The following SLC19A3 variants were observed in gnomAD, a reference collection of about 807,000 sequenced individuals.
SLC19A3 encodes the protein solute carrier family 19 member 3.
Under a neutral mutation model 40.2 loss-of-function variants are expected in SLC19A3, and 31 were observed. The observed-to-expected ratio is 0.77, with a 90% CI of 0.58 to 1.04. The LOEUF (loss-of-function observed/expected upper bound fraction) is 1.04, where lower values mean the gene tolerates loss of function less well. SLC19A3 is among the 50% of genes least tolerant of loss of function. SLC19A3 has a pLI of 0.00. For synonymous variants in SLC19A3, 212 were observed against 227.5 expected (o/e 0.93, Z 0.61); for missense variants, 592 against 596.7 (o/e 0.99, Z 0.08).
rs866892149 is a variant in SLC19A3, at chr2:227,706,523, C to T, written c.-2-4203G>A. 1.7e-5 allele frequency: 20 copies of T among 1,170,770 alleles called. No homozygotes were observed. In the African/African-American group the frequency reaches 1.8e-4, roughly 10 times the overall value. 72.5% of individuals were successfully genotyped at this position (1,170,770 alleles called of 1,614,324 possible). A position where few individuals can be genotyped will look rare whatever the true frequency, so the allele number is the denominator to read the frequency against. On this transcript the variant is annotated intron_variant, in intron 1 of 5. Transcript: ENST00000644224. ...TAGTGGCTCATGCTTGTAATCCCAG[C>T]GCTTTGGGAGGCTGAGGCAGGTGGA...
intron 1 of SLC19A3, chr2:227,706,435 C>A: frequency 6.5e-6 from 8 of 1,230,466 alleles, no homozygotes; most frequent in Non-Finnish European, 8.1e-6. Context: ...AGCTCTATCA[C>A]TTTTTAAAAA....
Position 227,686,865 on chromosome 2 carries a change from A to G in SLC19A3, c.*532T>C, listed in dbSNP as rs996537408. ...TAGAGTTGAAGAGAAGCCCTTAGAA[A>G]TGGGACAAACATTGTAATTCTCTTA... On this transcript the variant is annotated 3_prime_UTR_variant, in exon 6 of 6. Coordinates refer to ENST00000644224, the MANE Select transcript of SLC19A3 (RefSeq NM_025243.4). 3.3e-5 allele frequency: 5 copies of G among 152,388 alleles called. No individual in the cohort carries two copies. Among genetic ancestry groups the G allele is most frequent in the African/African-American group, 1.2e-4 (5 of 41,468 alleles). 9.4% of individuals were successfully genotyped at this position (152,388 alleles called of 1,614,324 possible).
chr2:227,717,248 C>G (rs985969592), intron 1 of SLC19A3, among the ~76,000 whole-genome samples: 1 of 152,102 alleles, frequency 6.6e-6, no homozygotes, highest in South Asian at 2.1e-4. Context: ...GCAATCCGCC[C>G]CGCTCAGCCT....
chr2:227,688,055 T>C (rs2106317973), intron 5 of SLC19A3, 111 bp downstream of exon 5: 6 of 1,152,338 alleles, frequency 5.2e-6, no homozygotes, highest in Non-Finnish European at 7.8e-6. Context: ...GAAGGAATTA[T>C]GTATTTTTTA....
rs561203105 is a variant in SLC19A3 at position 227,692,997 on chromosome 2, A to G, written c.1172+2892T>C. ...TAAGAATTAACTAAAGAAGTGAAAG[A>G]TCTTTGCAATGAAAACTATAAAACA... On this transcript the variant is annotated intron_variant, in intron 4 of 5. Transcript: ENST00000644224. Among the ~76,000 whole-genome samples, 3 of 152,334 alleles carry G rather than the reference A, an allele frequency of 2.0e-5. No homozygotes were observed. The South Asian group carries it at 6.2e-4, about 32-fold the overall frequency.
At chr2:227,695,786 T>A in intron 4 of SLC19A3, 103 bp downstream of exon 4, 1 of 1,124,050 alleles carries the variant, frequency 8.9e-7, no homozygotes, top group Non-Finnish European at 1.3e-6. Flanking sequence ...CAACATTTAA[T>A]ATTGCAATTG....
At chr2:227,706,269 C>T in intron 1 of SLC19A3, 3 of 1,227,054 alleles carry the variant, frequency 2.4e-6, no homozygotes, top group South Asian at 8.3e-5. Context: ...GCTTCCACTG[C>T]TTCTAAGGTG....
chr2:227,692,837 A>G (rs940569978), intron 4 of SLC19A3, among the ~76,000 whole-genome samples: 1 of 152,214 alleles, frequency 6.6e-6, no homozygotes. Flanking sequence ...ATTAGAACTG[A>G]TAAATAAGTT....
intron 1 of SLC19A3, chr2:227,714,681 C>T (rs1425169951): frequency 1.4e-5 from 9 of 627,292 alleles, no homozygotes; most frequent in Admixed American, 1.0e-4. Flanking sequence ...CTTCTGCAGC[C>T]GATGACATTT....
intron 4 of SLC19A3, among the ~76,000 whole-genome samples, chr2:227,690,706 CAA>C (rs34163746): frequency 2.3e-4 from 9 of 39,156 alleles, no homozygotes; most frequent in Admixed American, 9.0e-4. Flanking sequence ...GACTCCATCT[CAA>C]AAAAAAAAAA....
At chr2:227,698,597 C>T (rs1695534670) in intron 3 of SLC19A3, 139 bp downstream of exon 3, 8 of 816,976 alleles carry the variant, frequency 9.8e-6, no homozygotes, top group Admixed American at 9.7e-5. Context: ...CCATGCCCGG[C>T]CGTGACTTTC....
chr2:227,701,894 C>T lies in SLC19A3; in HGVS notation c.150+275G>A, dbSNP rs545512081. 68 of 383,712 alleles carry T rather than the reference C, an allele frequency of 1.8e-4. No individual in the cohort carries two copies. In the East Asian group the frequency reaches 2.1e-3, roughly 12 times the overall value. The allele number at this position is 383,712 out of a possible 1,614,324, so 23.8% of individuals were successfully genotyped here. On this transcript the variant is annotated intron_variant, in intron 2 of 5. Transcript: ENST00000644224. ...TTTAGGATTAGTATAATAGAATCAACGGAGACCTGAAAGTCTCCTATCATT... is the reference window on the plus strand; with the variant it reads ...TTTAGGATTAGTATAATAGAATCAATGGAGACCTGAAAGTCTCCTATCATT...
chr2:227,694,574 T>C (rs1289324968), intron 4 of SLC19A3, among the ~76,000 whole-genome samples: 1 of 152,232 alleles, frequency 6.6e-6, no homozygotes, highest in African/African-American at 2.4e-5. Flanking sequence ...TTTCATGCAA[T>C]TTGAAATTCA....
At chr2:227,711,893 T>C (rs1381434336) in intron 1 of SLC19A3, among the ~76,000 whole-genome samples, 1 of 151,272 alleles carries the variant, frequency 6.6e-6, no homozygotes, top group Non-Finnish European at 1.5e-5. Context: ...CTACTAAAAA[T>C]ACAAAAATTA....
In SLC19A3 at chr2:227,699,227, G is replaced by A. The variant is rs898880170; in HGVS notation, c.488C>T (p.Ser163Phe). 4 of 1,613,986 alleles carry A rather than the reference G, an allele frequency of 2.5e-6. No individual in the cohort carries two copies. The African/African-American group carries it at 5.3e-5, about 22-fold the overall frequency. ...AGSVLAQLLV[S>F]LANMSYFYLN... Reference sequence around the variant, plus strand: ...GTAAAAGTACGACATGTTCGCCAGGGATACCAAGAGTTGAGCCAGCACCGA... The same window carrying A: ...GTAAAAGTACGACATGTTCGCCAGGAATACCAAGAGTTGAGCCAGCACCGA... The change falls in exon 3 of 6, where the codon TCC becomes TTC. Residue 163 changes from serine to phenylalanine, a missense_variant. Physicochemically the swap from Ser to Phe is radical, Grantham distance 155. Transcript: ENST00000644224.
intron 1 of SLC19A3, among the ~76,000 whole-genome samples, chr2:227,715,344 A>G (rs924886551): frequency 2.0e-5 from 3 of 152,180 alleles, no homozygotes; most frequent in Admixed American, 2.0e-4. Context: ...GTGGGCCAGA[A>G]TAGTTCTGTT....
chr2:227,711,409 G>T (rs1696131733), intron 1 of SLC19A3, among the ~76,000 whole-genome samples: 1 of 143,802 alleles, frequency 7.0e-6, no homozygotes, highest in African/African-American at 2.6e-5. Context: ...GACAGAGCGA[G>T]ACTCTGTCTC....
intron 3 of SLC19A3, among the ~76,000 whole-genome samples, chr2:227,698,398 T>C (rs571920163): frequency 6.6e-6 from 1 of 152,116 alleles, no homozygotes; most frequent in South Asian, 2.1e-4. Flanking sequence ...CCTGTCCTCG[T>C]GATTCGCCAG....
chr2:227,710,616 C>A (rs796067424), intron 1 of SLC19A3, among the ~76,000 whole-genome samples: 22 of 152,106 alleles, frequency 1.4e-4, no homozygotes, highest in African/African-American at 4.8e-4. Flanking sequence ...AAAAGAAAAA[C>A]GAATCTTACA....
Sources: allele counts gnomAD v4.1 joint callset (sites outside exome capture counted in the v4.1 genomes callset), GRCh38; gene constraint gnomAD v4.1.1; transcripts MANE v1.5; gene names NCBI Gene and HGNC (gene_info 2026-07-23, HGNC 2026-07-21).